ZNF23: variants seen among roughly 807,000 people sequenced by gnomAD.
ZNF23 encodes the protein kruppel-like zinc finger factor X31.
A neutral mutation model predicts 56.2 loss-of-function variants in ZNF23; 48 were observed. That is an observed-to-expected ratio of 0.85 (90% CI 0.68 to 1.09). The LOEUF is 1.09. Ranked by LOEUF, ZNF23 falls within the 50% of genes least tolerant of loss-of-function variation. The pLI is 0.00. For synonymous variants in ZNF23, 266 were observed against 283.3 expected (o/e 0.94, Z 0.61); for missense variants, 805 against 811.4 (o/e 0.99, Z 0.10).
intron 2 of ZNF23, chr16:71,456,020 G>A (rs946681018): frequency 2.6e-5 from 12 of 456,544 alleles, no homozygotes; most frequent in South Asian, 1.7e-4. Flanking sequence ...GGCTCCTGGA[G>A]CATAGTAAGC....
intron 1 of ZNF23, among the ~76,000 whole-genome samples, chr16:71,458,114 G>T (rs1020499830): frequency 6.6e-6 from 1 of 152,210 alleles, no homozygotes; most frequent in Non-Finnish European, 1.5e-5. Context: ...TTAGGAACCA[G>T]GCTGTTTCCC....
intron 2 of ZNF23, among the ~76,000 whole-genome samples, chr16:71,455,005 C>G (rs1485127451): frequency 6.6e-6 from 1 of 152,132 alleles, no homozygotes; most frequent in Non-Finnish European, 1.5e-5. Flanking sequence ...TCAGCCTGCT[C>G]TAACAACCAT....
intron 1 of ZNF23, among the ~76,000 whole-genome samples, chr16:71,461,049 G>A (rs1367924096): frequency 1.3e-5 from 2 of 151,556 alleles, no homozygotes; most frequent in African/African-American, 4.9e-5. Context: ...TTTATATGAA[G>A]CTCAAAAAAA....
intron 2 of ZNF23, among the ~76,000 whole-genome samples, chr16:71,454,518 A>C (rs1488734190): frequency 6.6e-6 from 1 of 152,092 alleles, no homozygotes; most frequent in Non-Finnish European, 1.5e-5. Flanking sequence ...AGCAGGTCCC[A>C]CACCACTCCC....
At chr16:71,454,757 C>A (rs1378327885) in intron 2 of ZNF23, among the ~76,000 whole-genome samples, 1 of 152,214 alleles carries the variant, frequency 6.6e-6, no homozygotes, top group African/African-American at 2.4e-5. Flanking sequence ...ATTTTCCTTA[C>A]CCTCTCCCAT....
intron 2 of ZNF23, among the ~76,000 whole-genome samples, chr16:71,455,770 G>A (rs1014549743): frequency 7.2e-5 from 11 of 152,112 alleles, no homozygotes; most frequent in African/African-American, 1.9e-4. Flanking sequence ...AGTGGTCACC[G>A]TGCTTTTGAA....
At position 71,447,936 on chromosome 16, in the gene ZNF23, C is replaced by G; in HGVS notation, c.*157G>C. Reference sequence around the variant, plus strand: ...TTTTGGATGTTTCTCTTTAACTGGTCATCCTTTCCTGATTTAAACTGAATA... The same window carrying G: ...TTTTGGATGTTTCTCTTTAACTGGTGATCCTTTCCTGATTTAAACTGAATA... On this transcript the variant is annotated 3_prime_UTR_variant, in exon 5 of 5. Transcript: ENST00000647773. The G allele has an allele frequency of 2.0e-6, 1 of 510,068 alleles. No individual in the cohort carries two copies. Among genetic ancestry groups the G allele is most frequent in the Admixed American group, 3.8e-5 (1 of 26,446 alleles). The allele number at this position is 510,068 out of a possible 1,614,324, so 31.6% of individuals were successfully genotyped here.
At chr16:71,460,648 T>C (rs1382915953) in intron 1 of ZNF23, among the ~76,000 whole-genome samples, 1 of 152,202 alleles carries the variant, frequency 6.6e-6, no homozygotes, top group African/African-American at 2.4e-5. Context: ...TAGACTCCAA[T>C]AGTTCATTAA....
intron 1 of ZNF23, among the ~76,000 whole-genome samples, chr16:71,459,795 C>A (rs1392376525): frequency 6.6e-6 from 1 of 152,154 alleles, no homozygotes; most frequent in Non-Finnish European, 1.5e-5. Flanking sequence ...GGTTATATAA[C>A]CCAATCTACT....
chr16:71,456,042 C>T (rs1197177118), intron 2 of ZNF23: 1 of 456,516 alleles, frequency 2.2e-6, no homozygotes, highest in Non-Finnish European at 4.4e-6. Context: ...TCCAAAGATA[C>T]AACTGGTGTG....
chr16:71,448,357 T>A lies in ZNF23; in HGVS notation c.1797A>T (p.Gly599=), dbSNP rs1045797. Residue 599 remains glycine, a synonymous_variant, in exon 5 of 5, where the codon GGA becomes GGT. Transcript: ENST00000647773. ...NYIVHQRIHT[G]EKPFQCKECG... is the part of the protein sequence containing the mutation. ...ACTCCTTACACTGAAAGGGTTTCTCTCCTGTATGGATTCTCTGGTGCACAA... is the reference window on the plus strand; with the variant it reads ...ACTCCTTACACTGAAAGGGTTTCTCACCTGTATGGATTCTCTGGTGCACAA... The A allele has an allele frequency of 7.4e-6, 12 of 1,613,730 alleles. No homozygotes were observed. Among genetic ancestry groups the A allele is most frequent in the Non-Finnish European group, 1.0e-5 (12 of 1,179,960 alleles).
chr16:71,455,543 G>A (rs890550571), intron 2 of ZNF23, among the ~76,000 whole-genome samples: 3 of 152,050 alleles, frequency 2.0e-5, no homozygotes, highest in Non-Finnish European at 4.4e-5. Context: ...TTTTAGCAGA[G>A]ACAGGGTTTC....
In ZNF23 at chr16:71,448,910, C is replaced by G; in HGVS notation, c.1244G>C (p.Gly415Ala). 1 of 1,613,952 alleles carries G rather than the reference C, an allele frequency of 6.2e-7. No individual in the cohort carries two copies. The highest frequency in any genetic ancestry group is 8.5e-7 in the Non-Finnish European group (1 of 1,179,982). ...KPYQCKECGK[G>A]FNNNTKLIQH... Reference sequence around the variant, plus strand: ...AATGAGTTTTGTATTATTATTGAAGCCTTTTCCACACTCTTTACACTGATA... The same window carrying G: ...AATGAGTTTTGTATTATTATTGAAGGCTTTTCCACACTCTTTACACTGATA... The change falls in exon 5 of 5, where the codon GGC becomes GCC. Residue 415 changes from glycine to alanine, a missense_variant. Physicochemically the swap from Gly to Ala is moderately conservative, Grantham distance 60. Coordinates refer to ENST00000647773, the MANE Select transcript of ZNF23 (RefSeq NM_001381984.1).
At chr16:71,452,159 A>T (rs532807561) in intron 4 of ZNF23, 18 of 152,282 alleles carry the variant, frequency 1.2e-4, no homozygotes, top group African/African-American at 4.1e-4. Context: ...TACAGAATAA[A>T]ATACAGGGTC....
Position 71,449,210 on chromosome 16 carries a change from C to A in ZNF23, c.944G>T (p.Arg315Ile). 1.2e-6 allele frequency: 2 copies of A among 1,614,178 alleles called. No homozygotes were observed. Among genetic ancestry groups the A allele is most frequent in the South Asian group, 1.1e-5 (1 of 91,078 alleles). ...ATAGGGCTTCTCTCCCGTATGGATT[C>A]TCTGATGCCTACTTAGGCTTCCATT... ...SVNGSLSRHQ[R>I]IHTGEKPYQC... Residue 315 changes from arginine (R) to isoleucine (I), a missense_variant, in exon 5 of 5, where the codon AGA (arginine) becomes ATA (isoleucine). Transcript: ENST00000647773.
intron 2 of ZNF23, among the ~76,000 whole-genome samples, chr16:71,455,877 C>A (rs747984972): frequency 5.3e-5 from 8 of 152,202 alleles, no homozygotes; most frequent in African/African-American, 7.2e-5. Context: ...CTGAATCACA[C>A]AATAACTCTG....
chr16:71,453,931 G>T, intron 3 of ZNF23, 111 bp downstream of exon 3: 1 of 1,305,882 alleles, frequency 7.7e-7, no homozygotes, highest in Non-Finnish European at 1.1e-6. Context: ...CAGCTCTGGG[G>T]TTCTCACTCA....
rs778852644 is a variant in ZNF23 at position 71,449,364 on chromosome 16, C to G, written c.790G>C (p.Glu264Gln). ...CACTCCACACATTTGAAGGGTTTCT[C>G]CCCACTGTGAAGTCTCTGATGCCAA... ...LIWHQRLHSGEKPFKCVECGK... is the reference protein window; with the variant it reads ...LIWHQRLHSGQKPFKCVECGK... Residue 264 changes from glutamate (E) to glutamine (Q), a missense_variant, in exon 5 of 5, where the codon GAG (glutamate) becomes CAG (glutamine). Physicochemically the swap from Glu to Gln is conservative, Grantham distance 29 (BLOSUM62 2). Coordinates refer to ENST00000647773, the MANE Select transcript of ZNF23 (RefSeq NM_001381984.1). The G allele has an allele frequency of 1.5e-5, 24 of 1,614,092 alleles. No homozygotes were observed. In the African/African-American group the frequency reaches 1.9e-4, roughly 13 times the overall value.
Position 71,449,248 on chromosome 16 carries a change from C to G in ZNF23, c.906G>C (p.Lys302Asn). 1 of 1,614,020 alleles carries G rather than the reference C, an allele frequency of 6.2e-7. No homozygotes were observed. The highest frequency in any genetic ancestry group is 1.3e-5 in the African/African-American group (1 of 74,990). The change falls in exon 5 of 5, where the codon AAG (lysine) becomes AAC (asparagine). Residue 302 changes from lysine (K) to asparagine (N), a missense_variant. Coordinates refer to ENST00000647773, the MANE Select transcript of ZNF23 (RefSeq NM_001381984.1). ...EKPYQCKMCG[K>N]AFSVNGSLSR... ...TTAGGCTTCCATTAACACTGAAGGC[C>G]TTCCCACACATCTTACACTGATAGG...
Sources: gnomAD v4.1 joint callset for allele counts (sites outside exome capture counted in the v4.1 genomes callset) on GRCh38, gnomAD v4.1.1 for gene constraint, MANE v1.5 for transcripts, NCBI Gene and HGNC (gene_info 2026-07-23, HGNC 2026-07-21) for gene names.